ZFHX3: variants seen among roughly 807,000 people sequenced by gnomAD.
The protein encoded by ZFHX3 is zinc finger homeobox 3.
In ZFHX3, 42 loss-of-function variants were observed where a neutral mutation model predicts 279.1. The observed-to-expected ratio is 0.15, with a 90% CI of 0.12 to 0.19. ZFHX3 has a LOEUF of 0.19. Ranked by LOEUF, ZFHX3 falls within the 10% of genes least tolerant of loss-of-function variation. The pLI is 1.00. For missense variants in ZFHX3, 4,981 were observed against 4,754.0 expected (o/e 1.05, Z -1.40); for synonymous variants, 2,293 against 1,957.8 (o/e 1.17, Z -4.52).
chr16:73,753,986 A>ATGTGTG lies in ZFHX3; in HGVS notation c.-1607-73752_-1607-73747dup, dbSNP rs1310925312. Among the ~76,000 whole-genome samples, 92 of 147,424 alleles carry ATGTGTG rather than the reference A, an allele frequency of 6.2e-4. 1 individual carries two copies. Among genetic ancestry groups the ATGTGTG allele is most frequent in the South Asian group, 2.0e-3 (9 of 4,530 alleles). On this transcript the variant is annotated intron_variant, in intron 1 of 17. Coordinates refer to the ZFHX3 transcript ENST00000641206. ...GTAATGAGAAAAATAGTAAGAATCA[A>ATGTGTG]TGTGTGTGTGTGTGTGTGTGTAAAA...
At chr16:73,656,372 G>C (rs982810182) in intron 2 of ZFHX3, among the ~76,000 whole-genome samples, 12 of 152,168 alleles carry the variant, frequency 7.9e-5, no homozygotes, top group Non-Finnish European at 1.5e-4. Flanking sequence ...TTTGCATTAA[G>C]AACCTGATGA....
chr16:72,942,581 G>A (rs1266765411), intron 3 of ZFHX3, among the ~76,000 whole-genome samples: 1 of 152,126 alleles, frequency 6.6e-6, no homozygotes, highest in Non-Finnish European at 1.5e-5. Context: ...CCTAAGTCAG[G>A]GGCCATGGTA....
intron 1 of ZFHX3, among the ~76,000 whole-genome samples, chr16:73,746,708 T>C (rs187638886): frequency 2.0e-5 from 3 of 152,320 alleles, no homozygotes; most frequent in Non-Finnish European, 4.4e-5. Context: ...AACATCAAGA[T>C]TAAATTAACC....
intron 2 of ZFHX3, among the ~76,000 whole-genome samples, chr16:73,485,424 GAAAA>G (rs796678890): frequency 2.2e-5 from 1 of 45,258 alleles, no homozygotes; most frequent in Non-Finnish European, 4.1e-5. Context: ...GGGTGAGGGA[GAAAA>G]AAAAAAAAAA....
chr16:73,151,342 G>A (rs774030455), intron 5 of ZFHX3, among the ~76,000 whole-genome samples: 17 of 152,156 alleles, frequency 1.1e-4, no homozygotes, highest in Non-Finnish European at 2.4e-4. Flanking sequence ...CATCTCAGAG[G>A]GGAAAGGAAG....
chr16:72,969,440 C>T (rs11860338), intron 1 of ZFHX3, among the ~76,000 whole-genome samples: 2 of 151,988 alleles, frequency 1.3e-5, no homozygotes, highest in East Asian at 3.9e-4. Context: ...CCCTAGTTCC[C>T]TAGGGAACTT....
chr16:73,748,228 AATT>A (rs1446447288), intron 1 of ZFHX3, among the ~76,000 whole-genome samples: 2 of 152,198 alleles, frequency 1.3e-5, no homozygotes, highest in Non-Finnish European at 2.9e-5. Flanking sequence ...AGATACTGAC[AATT>A]ATTAAGTCAA....
chr16:72,995,281 T>G (rs1597068448), intron 1 of ZFHX3, among the ~76,000 whole-genome samples: 1 of 152,110 alleles, frequency 6.6e-6, no homozygotes, highest in South Asian at 2.1e-4. Context: ...GTTCAAACTT[T>G]CCCCTCCACT....
At chr16:73,537,675 G>A (rs532085851) in intron 2 of ZFHX3, among the ~76,000 whole-genome samples, 68 of 152,336 alleles carry the variant, frequency 4.5e-4, no homozygotes, top group African/African-American at 1.6e-3. Flanking sequence ...GGAAGGCGAA[G>A]CCTGAGGATC....
intron 1 of ZFHX3, among the ~76,000 whole-genome samples, chr16:73,823,741 T>C (rs1466555924): frequency 6.6e-6 from 1 of 152,204 alleles, no homozygotes; most frequent in Non-Finnish European, 1.5e-5. Context: ...ACACAAAAGT[T>C]TGCTGACTCC....
intron 6 of ZFHX3, among the ~76,000 whole-genome samples, chr16:73,131,925 G>A (rs373207795): frequency 3.3e-5 from 5 of 152,024 alleles, no homozygotes; most frequent in African/African-American, 7.2e-5. Flanking sequence ...TTAACTGCTC[G>A]GTTAACTAGA....
intron 2 of ZFHX3, among the ~76,000 whole-genome samples, chr16:73,603,021 C>T (rs1047999492): frequency 2.0e-5 from 3 of 151,072 alleles, no homozygotes; most frequent in African/African-American, 4.9e-5. Flanking sequence ...CGCGGTGACT[C>T]ACGCTTGTAA....
intron 1 of ZFHX3, among the ~76,000 whole-genome samples, chr16:73,778,118 C>T (rs1161436775): frequency 6.6e-6 from 1 of 151,182 alleles, no homozygotes; most frequent in Non-Finnish European, 1.5e-5. Flanking sequence ...TGAAATAGAG[C>T]AGATGTTGAA....
chr16:73,483,447 A>G (rs1174888304), intron 2 of ZFHX3: 3 of 453,292 alleles, frequency 6.6e-6, no homozygotes, highest in Non-Finnish European at 1.3e-5. Context: ...ATCAAGAAAT[A>G]AAAGCATGGG....
chr16:73,502,620 A>G (rs2019258249), intron 2 of ZFHX3, among the ~76,000 whole-genome samples: 1 of 152,184 alleles, frequency 6.6e-6, no homozygotes, highest in Non-Finnish European at 1.5e-5. Context: ...GAACCACACT[A>G]AAGTAAGCAG....
At chr16:72,824,071 CAG>C (rs1023191217) in intron 5 of ZFHX3, among the ~76,000 whole-genome samples, 4 of 152,112 alleles carry the variant, frequency 2.6e-5, no homozygotes, top group African/African-American at 7.2e-5. Context: ...ACAGGGAAAA[CAG>C]GGGGAGGGCT....
intron 7 of ZFHX3, among the ~76,000 whole-genome samples, chr16:72,801,292 C>T (rs1018581405): frequency 1.3e-5 from 2 of 152,132 alleles, no homozygotes; most frequent in Admixed American, 1.3e-4. Context: ...CAAACACAAC[C>T]GTACTGCACA....
At chr16:73,809,001 CTGTGT>C (rs1960357170) in intron 1 of ZFHX3, among the ~76,000 whole-genome samples, 1 of 152,160 alleles carries the variant, frequency 6.6e-6, no homozygotes, top group South Asian at 2.1e-4. Flanking sequence ...ATCCTGTCAT[CTGTGT>C]TGCTTGGCTT....
At chr16:72,965,087 C>T (rs1961770261) in intron 1 of ZFHX3, among the ~76,000 whole-genome samples, 1 of 152,220 alleles carries the variant, frequency 6.6e-6, no homozygotes, top group Non-Finnish European at 1.5e-5. Flanking sequence ...CCATGTTGGC[C>T]AGGCTGGTCT....
Sources: allele counts gnomAD v4.1 joint callset (sites outside exome capture counted in the v4.1 genomes callset), GRCh38; gene constraint gnomAD v4.1.1; transcripts MANE v1.5; gene names NCBI Gene and HGNC (gene_info 2026-07-23, HGNC 2026-07-21).